Variants in PALLD observed in about 807,000 individuals in gnomAD.
PALLD encodes the protein palladin, cytoskeletal associated protein, also known as palladin.
In PALLD, 61 loss-of-function variants were observed where a neutral mutation model predicts 123.5. That is an observed-to-expected ratio of 0.49 (90% CI 0.40 to 0.61). PALLD has a LOEUF of 0.61. Ranked by LOEUF, PALLD falls within the 20% of genes least tolerant of loss-of-function variation. The pLI, the probability that PALLD is intolerant of heterozygous loss-of-function variation, is 0.00. For synonymous variants in PALLD, 465 were observed against 496.4 expected, an observed-to-expected ratio of 0.94 and a Z score of 0.84; for missense variants, 1,273 against 1,377.0, an observed-to-expected ratio of 0.92 and a Z score of 1.20.
chr4:168,805,858 G>C (rs1016987455), intron 10 of PALLD, among the ~76,000 whole-genome samples: 23 of 152,132 alleles, frequency 1.5e-4, no homozygotes, highest in Admixed American at 2.6e-4. Flanking sequence ...CCATGTACCT[G>C]ACCTAGTATC....
chr4:168,743,053 A>C (rs1788515131), intron 10 of PALLD, among the ~76,000 whole-genome samples: 1 of 152,172 alleles, frequency 6.6e-6, no homozygotes, highest in Non-Finnish European at 1.5e-5. Context: ...ATAGACTAGA[A>C]TAGATTGCCT....
chr4:168,682,500 G>A (rs1404131246), intron 4 of PALLD, among the ~76,000 whole-genome samples: 3 of 151,866 alleles, frequency 2.0e-5, no homozygotes, highest in Non-Finnish European at 4.4e-5. Flanking sequence ...TATGCACTAA[G>A]AAAACACAAA....
Position 168,690,631 on chromosome 4 carries a change from G to A in PALLD, c.1364G>A (p.Gly455Asp), listed in dbSNP as rs755267941. 2 of 1,614,192 alleles carry A rather than the reference G, an allele frequency of 1.2e-6. No individual in the cohort carries two copies. Among genetic ancestry groups the A allele is most frequent in the South Asian group, 1.1e-5 (1 of 91,090 alleles). The part of the protein sequence containing the change: ...KELQNTAVAE[G>D]QVVVLECRVR... ...CTGCAAAACACAGCCGTGGCGGAAGGCCAGGTGGTGGTTCTGGAGTGCCGG... is the reference window on the plus strand; with the variant it reads ...CTGCAAAACACAGCCGTGGCGGAAGACCAGGTGGTGGTTCTGGAGTGCCGG... The change falls in exon 7 of 22, where the codon GGC becomes GAC. Residue 455 changes from glycine to aspartate, a missense_variant. Physicochemically the swap from Gly to Asp is moderately conservative, Grantham distance 94. Transcript: ENST00000505667.
chr4:168,773,759 G>T (rs1010611672), intron 10 of PALLD, among the ~76,000 whole-genome samples: 7 of 152,104 alleles, frequency 4.6e-5, no homozygotes, highest in Admixed American at 6.5e-5. Context: ...AATGGCATCT[G>T]CTGAGCCCCA....
chr4:168,784,425 C>T (rs1157020575), intron 10 of PALLD, among the ~76,000 whole-genome samples: 2 of 152,076 alleles, frequency 1.3e-5, no homozygotes, highest in Admixed American at 6.6e-5. Context: ...GAGGAAGCCA[C>T]GTGGGAGAAT....
intron 2 of PALLD, among the ~76,000 whole-genome samples, chr4:168,521,978 T>C (rs1561205533): frequency 6.6e-6 from 1 of 152,230 alleles, no homozygotes. Context: ...CTACTCCTCC[T>C]TCATACAACT....
intron 3 of PALLD, among the ~76,000 whole-genome samples, chr4:168,673,121 C>T (rs1258020673): frequency 6.6e-6 from 1 of 152,190 alleles, no homozygotes; most frequent in Non-Finnish European, 1.5e-5. Flanking sequence ...TGAGTGACTA[C>T]TGTAAGGGAG....
At chr4:168,794,472 G>C (rs940767010) in intron 10 of PALLD, among the ~76,000 whole-genome samples, 1 of 146,180 alleles carries the variant, frequency 6.8e-6, no homozygotes, top group Admixed American at 6.7e-5. Context: ...AGACGTACGT[G>C]CACACGCACA....
At chr4:168,586,153 TAAAAAAAA>T (rs35474736) in intron 2 of PALLD, among the ~76,000 whole-genome samples, 1 of 75,520 alleles carries the variant, frequency 1.3e-5, no homozygotes, top group Non-Finnish European at 2.5e-5. Context: ...TCAAGAGACC[TAAAAAAAA>T]AAAAAAAAAA....
chr4:168,697,535 A>C (rs180725839), intron 8 of PALLD, among the ~76,000 whole-genome samples: 157 of 152,340 alleles, frequency 1.0e-3, no homozygotes, highest in African/African-American at 3.6e-3. Flanking sequence ...ACAGAATGGC[A>C]GGGCGGTAAG....
intron 1 of PALLD, among the ~76,000 whole-genome samples, chr4:168,504,613 C>T (rs1189897227): frequency 1.4e-5 from 2 of 147,912 alleles, no homozygotes; most frequent in Non-Finnish European, 3.0e-5. Context: ...AAAAAAATGG[C>T]TGTGGCTAAT....
chr4:168,598,590 C>T, intron 2 of PALLD: 2 of 336,624 alleles, frequency 5.9e-6, no homozygotes, highest in East Asian at 9.3e-5. Context: ...ACTGTCCCAT[C>T]TTCAATCATG....
chr4:168,702,578 G>C lies in PALLD; in HGVS notation c.1502-6450G>C, dbSNP rs138050479. Reference sequence around the variant, plus strand: ...AAAAAGAAAGAAAAAAAGAACATGCGTGTCGGAGATGGGACGCCAACCTTC... The same window carrying C: ...AAAAAGAAAGAAAAAAAGAACATGCCTGTCGGAGATGGGACGCCAACCTTC... On this transcript the variant is annotated intron_variant, in intron 8 of 21. Coordinates refer to ENST00000505667, the MANE Select transcript of PALLD (RefSeq NM_001166108.2). Among the ~76,000 whole-genome samples the C allele has an allele frequency of 1.2e-4, 19 of 152,114 alleles. No individual in the cohort carries two copies. The East Asian group carries it at 2.9e-3, about 23-fold the overall frequency.
chr4:168,713,297 T>C (rs1425535085), intron 10 of PALLD, among the ~76,000 whole-genome samples: 1 of 152,184 alleles, frequency 6.6e-6, no homozygotes, highest in African/African-American at 2.4e-5. Flanking sequence ...TAAAAGAGAT[T>C]TATGCTCTTG....
At chr4:168,691,773 C>T (rs998081904) in intron 8 of PALLD, among the ~76,000 whole-genome samples, 11 of 152,096 alleles carry the variant, frequency 7.2e-5, no homozygotes, top group Admixed American at 3.3e-4. Context: ...GAGCCATAAA[C>T]TTTTACTATT....
intron 10 of PALLD, 79 bp downstream of exon 10, chr4:168,712,002 C>A: frequency 8.2e-7 from 1 of 1,224,248 alleles, no homozygotes; most frequent in Non-Finnish European, 1.2e-6. Context: ...AAACTTTTGC[C>A]TGTATTCAAC....
intron 2 of PALLD, among the ~76,000 whole-genome samples, chr4:168,558,901 CTG>C (rs2149568541): frequency 6.6e-6 from 1 of 152,268 alleles, no homozygotes; most frequent in African/African-American, 2.4e-5. Flanking sequence ...TCTTTTTTCT[CTG>C]TTTATAAAAT....
At position 168,708,910 on chromosome 4, in the gene PALLD, G is replaced by A. The variant is rs186259847; in HGVS notation, c.1502-118G>A. 2,363 of 918,958 alleles carry A rather than the reference G, an allele frequency of 2.6e-3. 8 individuals are homozygous for A. The highest frequency in any genetic ancestry group is 7.6e-3 in the Middle Eastern group (28 of 3,668). 56.9% of individuals were successfully genotyped at this position (918,958 alleles called of 1,614,324 possible). Reference sequence around the variant, plus strand: ...ATTCTATTGTAAACACTTTTGTAAAGTGAATCTGTAATAATCATAACCTAA... The same window carrying A: ...ATTCTATTGTAAACACTTTTGTAAAATGAATCTGTAATAATCATAACCTAA... On this transcript the variant is annotated intron_variant, in intron 8 of 21. Coordinates refer to ENST00000505667, the MANE Select transcript of PALLD (RefSeq NM_001166108.2).
chr4:168,788,762 T>C (rs1737106953), intron 10 of PALLD, among the ~76,000 whole-genome samples: 1 of 152,188 alleles, frequency 6.6e-6, no homozygotes, highest in African/African-American at 2.4e-5. Flanking sequence ...TTAGCTCATA[T>C]TGCTGTGAAC....
Sources: allele counts gnomAD v4.1 joint callset (sites outside exome capture counted in the v4.1 genomes callset), GRCh38; gene constraint gnomAD v4.1.1; transcripts MANE v1.5; gene names NCBI Gene and HGNC (gene_info 2026-07-23, HGNC 2026-07-21).